The following OTC variants were observed in gnomAD, a reference collection of about 807,000 sequenced individuals.
The protein encoded by OTC is ornithine transcarbamylase, mitochondrial.
OTC carries 3 observed loss-of-function variants against 30.3 expected under a neutral mutation model. The ratio of observed to expected loss-of-function variants is 0.10; its 90% CI spans 0.05 to 0.26. The LOEUF (loss-of-function observed/expected upper bound fraction) is 0.26, where lower values mean the gene tolerates loss of function less well. Among genes scored for constraint, OTC ranks in the 10% least tolerant of loss-of-function variants. The pLI, the probability that OTC is intolerant of heterozygous loss-of-function variation, is 1.00. For missense variants in OTC, 194 were observed against 260.3 expected, an observed-to-expected ratio of 0.75 and a Z score of 1.75; for synonymous variants, 111 against 99.7, an observed-to-expected ratio of 1.11 and a Z score of -0.67.
intron 3 of OTC, 131 bp downstream of exon 3, chrX:38,370,008 C>A: frequency 6.7e-6 from 3 of 450,971 alleles, no homozygotes; most frequent in South Asian, 7.2e-5. Flanking sequence ...TTACTGGGAG[C>A]AGCAATGCAA....
intron 9 of OTC, among the ~76,000 whole-genome samples, chrX:38,420,263 C>T (rs1031847486): frequency 3.6e-5 from 4 of 111,094 alleles, no homozygotes; most frequent in Admixed American, 2.9e-4. Context: ...ATAATAAAAG[C>T]TACCTTAGAA....
intron 2 of OTC, 90 bp downstream of exon 2, chrX:38,367,519 T>C: frequency 2.5e-6 from 2 of 789,071 alleles, no homozygotes; most frequent in Non-Finnish European, 3.8e-6. Flanking sequence ...AAAAATACAT[T>C]AAAATTCTTA....
chrX:38,401,765 T>C (rs947786462), intron 5 of OTC, among the ~76,000 whole-genome samples: 1 of 112,214 alleles, frequency 8.9e-6, no homozygotes, highest in African/African-American at 3.2e-5. Context: ...TATGTGATTC[T>C]ATAGACATCA....
downstream of OTC, among the ~76,000 whole-genome samples, chrX:38,422,766 A>G (rs1193106511): frequency 1.8e-5 from 2 of 112,055 alleles, no homozygotes; most frequent in South Asian, 3.7e-4. Context: ...AGGAAAAAAG[A>G]AAATAGGGGA....
intron 4 of OTC, among the ~76,000 whole-genome samples, chrX:38,386,384 A>ATATAT (rs765860392): frequency 2.0e-3 from 170 of 83,626 alleles, no homozygotes; most frequent in Non-Finnish European, 3.4e-3. Flanking sequence ...AAAAAAAAAA[A>ATATAT]AAATATATAT....
intron 4 of OTC, among the ~76,000 whole-genome samples, chrX:38,382,296 A>G (rs1267236145): frequency 8.9e-6 from 1 of 112,383 alleles, no homozygotes; most frequent in Non-Finnish European, 1.9e-5. Context: ...TCCTCATGCA[A>G]TGCTCATACC....
chrX:38,388,238 AG>A (rs2068413429), intron 4 of OTC, among the ~76,000 whole-genome samples: 1 of 111,855 alleles, frequency 8.9e-6, no homozygotes, highest in Non-Finnish European at 1.9e-5. Context: ...CTGGAGGCCT[AG>A]GTTCCCCTGG....
upstream of OTC, among the ~76,000 whole-genome samples, chrX:38,351,564 C>T (rs769223700): frequency 2.5e-4 from 28 of 111,419 alleles, no homozygotes; most frequent in African/African-American, 8.5e-4. Context: ...CAGTGCAGCT[C>T]GGTATCTGAT....
chrX:38,372,109 A>G (rs1440839668), intron 3 of OTC, among the ~76,000 whole-genome samples: 2 of 112,154 alleles, frequency 1.8e-5, no homozygotes, highest in Non-Finnish European at 3.8e-5. Flanking sequence ...CCCTGTTCAA[A>G]TGTTATGTTT....
At chrX:38,334,585 CA>C in the OTC span, among the ~76,000 whole-genome samples, 1 of 112,297 alleles carries the variant, frequency 8.9e-6, no homozygotes, top group Non-Finnish European at 1.9e-5. Context: ...GATTACTCAG[CA>C]GAAGCAATAC....
At chrX:38,331,812 G>A in the OTC span, among the ~76,000 whole-genome samples, 9 of 110,865 alleles carry the variant, frequency 8.1e-5, no homozygotes, top group South Asian at 3.1e-3. Flanking sequence ...GAACTTCTGA[G>A]CTCAAGCAAT....
the OTC span, among the ~76,000 whole-genome samples, chrX:38,340,448 A>ATTGGTTTT: frequency 1.5e-5 from 1 of 67,393 alleles, no homozygotes; most frequent in Non-Finnish European, 2.9e-5. Context: ...TGCTCCCTTC[A>ATTGGTTTT]TTGTTTTTTT....
At chrX:38,366,773 C>CT (rs1288526083) in intron 1 of OTC, among the ~76,000 whole-genome samples, 7 of 110,244 alleles carry the variant, frequency 6.3e-5, no homozygotes, top group Non-Finnish European at 9.5e-5. Flanking sequence ...TTCACAAATT[C>CT]TTTTTTTTTC....
chrX:38,383,573 G>A (rs2068387344), intron 4 of OTC, among the ~76,000 whole-genome samples: 1 of 111,430 alleles, frequency 9.0e-6, no homozygotes, highest in Non-Finnish European at 1.9e-5. Context: ...CGAGGCGGGT[G>A]GATCACCTGA....
At chrX:38,412,882 A>G (rs768551146) in intron 9 of OTC, among the ~76,000 whole-genome samples, 5 of 112,274 alleles carry the variant, frequency 4.5e-5, no homozygotes, top group Non-Finnish European at 9.4e-5. Flanking sequence ...AAATTGCCCA[A>G]TGACACTGTG....
In OTC at chrX:38,352,688, TA is replaced by T. The variant is rs1392733868; in HGVS notation, c.-5del. ...GGCATAGAATCGTCCTTTACACAAT[TA>T]AAAGAAGATGCTGTTTAATCTGAGG... On this transcript the variant is annotated 5_prime_UTR_variant, in exon 1 of 10. Transcript: ENST00000039007. 2 of 1,188,456 alleles carry T rather than the reference TA, an allele frequency of 1.7e-6. No homozygotes were observed. Among genetic ancestry groups the T allele is most frequent in the African/African-American group, 3.5e-5 (2 of 56,794 alleles).
chrX:38,351,042 A>G (rs1057266886), upstream of OTC, among the ~76,000 whole-genome samples: 22 of 111,120 alleles, frequency 2.0e-4, no homozygotes, highest in African/African-American at 7.2e-4. Flanking sequence ...ATGTTTTTTA[A>G]ATTCACTCTC....
intron 8 of OTC, among the ~76,000 whole-genome samples, chrX:38,409,730 G>A (rs1466812036): frequency 1.8e-5 from 2 of 112,499 alleles, no homozygotes; most frequent in African/African-American, 6.5e-5. Context: ...ATGCACAGGG[G>A]TTTTGTCAGC....
intron 1 of OTC, among the ~76,000 whole-genome samples, chrX:38,356,270 G>A (rs1323612123): frequency 9.0e-6 from 1 of 111,151 alleles, no homozygotes; most frequent in Non-Finnish European, 1.9e-5. Context: ...CAGAAAGCTA[G>A]CCTTCATCTG....
Sources: allele counts gnomAD v4.1 joint callset (sites outside exome capture counted in the v4.1 genomes callset), GRCh38; gene constraint gnomAD v4.1.1; transcripts MANE v1.5; gene names NCBI Gene and HGNC (gene_info 2026-07-23, HGNC 2026-07-21).